The following CNTNAP2 variants were observed in gnomAD, a reference collection of about 807,000 sequenced individuals.
CNTNAP2 encodes the protein contactin associated protein 2, also known as contactin-associated protein-like 2.
In CNTNAP2, 98 loss-of-function variants were observed where a neutral mutation model predicts 155.2. The observed-to-expected ratio is 0.63, with a 90% CI of 0.54 to 0.75. The LOEUF is 0.75. Ranked by LOEUF, CNTNAP2 falls within the 30% of genes least tolerant of loss-of-function variation. The pLI, the probability that CNTNAP2 is intolerant of heterozygous loss-of-function variation, is 0.00. For synonymous variants in CNTNAP2, 651 were observed against 631.2 expected (o/e 1.03, Z -0.47); for missense variants, 1,727 against 1,688.1 (o/e 1.02, Z -0.40).
At chr7:146,605,065 A>G (rs1209944696) in intron 1 of CNTNAP2, among the ~76,000 whole-genome samples, 1 of 142,114 alleles carries the variant, frequency 7.0e-6, no homozygotes, top group Non-Finnish European at 1.5e-5. Context: ...CCTAAAACTT[A>G]AAGTATAATA....
intron 11 of CNTNAP2, among the ~76,000 whole-genome samples, chr7:147,519,848 G>A (rs548602559): frequency 9.1e-4 from 139 of 152,326 alleles, no homozygotes; most frequent in Non-Finnish European, 1.8e-3. Context: ...CTGGGCAACA[G>A]AGTGAGACTC....
At chr7:146,580,792 G>A (rs143608700) in intron 1 of CNTNAP2, among the ~76,000 whole-genome samples, 10 of 152,106 alleles carry the variant, frequency 6.6e-5, no homozygotes, top group African/African-American at 1.9e-4. Context: ...TATTTTGTAC[G>A]TTTTCATCAA....
At chr7:147,649,137 GGGTACTGCTAGT>G (rs1795412118) in intron 13 of CNTNAP2, among the ~76,000 whole-genome samples, 1 of 152,124 alleles carries the variant, frequency 6.6e-6, no homozygotes, top group African/African-American at 2.4e-5. Flanking sequence ...TGTACTAAAA[GGGTACTGCTAGT>G]GCCTTTCAAG....
intron 9 of CNTNAP2, among the ~76,000 whole-genome samples, chr7:147,362,836 A>G (rs1026227847): frequency 2.7e-4 from 41 of 152,316 alleles, no homozygotes; most frequent in Admixed American, 2.0e-3. Context: ...TAATTTTTGT[A>G]TATTTCCCTA....
At chr7:146,983,795 A>G (rs1798064928) in intron 3 of CNTNAP2, among the ~76,000 whole-genome samples, 1 of 152,174 alleles carries the variant, frequency 6.6e-6, no homozygotes, top group Non-Finnish European at 1.5e-5. Flanking sequence ...TCACCATCAG[A>G]AGGGCTGGAA....
intron 17 of CNTNAP2, among the ~76,000 whole-genome samples, chr7:148,153,424 C>G (rs2116661706): frequency 6.6e-6 from 1 of 152,228 alleles, no homozygotes; most frequent in Non-Finnish European, 1.5e-5. Flanking sequence ...AGAAAAAAAG[C>G]ACTTGCTGGT....
intron 10 of CNTNAP2, among the ~76,000 whole-genome samples, chr7:147,477,941 A>G (rs768421873): frequency 1.3e-5 from 2 of 152,184 alleles, no homozygotes; most frequent in Non-Finnish European, 2.9e-5. Context: ...TGCAATCTGA[A>G]CCCAACCTAT....
At chr7:146,950,691 C>T (rs189419895) in intron 3 of CNTNAP2, among the ~76,000 whole-genome samples, 1 of 152,176 alleles carries the variant, frequency 6.6e-6, no homozygotes, top group East Asian at 1.9e-4. Flanking sequence ...GCCAGTCTAT[C>T]ATTGATGGGG....
intron 10 of CNTNAP2, among the ~76,000 whole-genome samples, chr7:147,476,737 G>T (rs889679306): frequency 5.3e-5 from 8 of 151,966 alleles, no homozygotes; most frequent in African/African-American, 1.9e-4. Flanking sequence ...GACCAGCCTG[G>T]CCAACATGGC....
intron 1 of CNTNAP2, among the ~76,000 whole-genome samples, chr7:146,617,520 A>C (rs142119392): frequency 6.6e-6 from 1 of 152,332 alleles, no homozygotes; most frequent in African/African-American, 2.4e-5. Flanking sequence ...GGCAATTTCG[A>C]ATAGCCATTT....
intron 8 of CNTNAP2, among the ~76,000 whole-genome samples, chr7:147,183,506 T>G (rs980822835): frequency 6.6e-6 from 1 of 152,206 alleles, no homozygotes; most frequent in African/African-American, 2.4e-5. Flanking sequence ...TCTCGTTAGT[T>G]GCCTTTTCAG....
chr7:146,827,236 A>G (rs548183688), intron 2 of CNTNAP2, among the ~76,000 whole-genome samples: 1 of 152,212 alleles, frequency 6.6e-6, no homozygotes, highest in South Asian at 2.1e-4. Context: ...AATAATGAAT[A>G]CAAATAATTT....
intron 13 of CNTNAP2, among the ~76,000 whole-genome samples, chr7:147,799,919 C>A (rs1189363642): frequency 1.3e-5 from 2 of 152,154 alleles, no homozygotes; most frequent in African/African-American, 4.8e-5. Context: ...GCCGTTAAAT[C>A]TTTCAGTGGA....
intron 1 of CNTNAP2, among the ~76,000 whole-genome samples, chr7:146,598,356 A>C (rs1798895149): frequency 6.6e-6 from 1 of 152,112 alleles, no homozygotes; most frequent in African/African-American, 2.4e-5. Context: ...CTGACAGGCT[A>C]GTTGAGTTCC....
chr7:146,781,034 C>G (rs961613879), intron 2 of CNTNAP2, among the ~76,000 whole-genome samples: 7 of 152,000 alleles, frequency 4.6e-5, no homozygotes, highest in Admixed American at 3.9e-4. Context: ...CCAGACCATC[C>G]TGGCTAACGT....
At chr7:147,420,651 T>A (rs1366507071) in intron 10 of CNTNAP2, among the ~76,000 whole-genome samples, 1 of 152,220 alleles carries the variant, frequency 6.6e-6, no homozygotes, top group East Asian at 1.9e-4. Flanking sequence ...CCTCAAAAAA[T>A]TCATTTAAAT....
intron 21 of CNTNAP2, among the ~76,000 whole-genome samples, chr7:148,277,074 T>G (rs1390569587): frequency 6.6e-6 from 1 of 152,136 alleles, no homozygotes; most frequent in Non-Finnish European, 1.5e-5. Flanking sequence ...CGTCCTCTGC[T>G]TCTTTCTATA....
intron 1 of CNTNAP2, among the ~76,000 whole-genome samples, chr7:146,283,202 G>T (rs1800276690): frequency 6.6e-6 from 1 of 152,100 alleles, no homozygotes; most frequent in South Asian, 2.1e-4. Context: ...TTCAAATTTG[G>T]TATTATTGTG....
intron 13 of CNTNAP2, among the ~76,000 whole-genome samples, chr7:147,839,285 A>G (rs1245737212): frequency 6.6e-6 from 1 of 152,140 alleles, no homozygotes. Context: ...CCCAGGAACA[A>G]CACTTTGCAT....
Sources: allele counts gnomAD v4.1 joint callset (sites outside exome capture counted in the v4.1 genomes callset), GRCh38; gene constraint gnomAD v4.1.1; transcripts MANE v1.5; gene names NCBI Gene and HGNC (gene_info 2026-07-23, HGNC 2026-07-21).